Variants in SEMA3A observed in about 807,000 individuals in gnomAD.
The protein encoded by SEMA3A is semaphorin 3A.
Under a neutral mutation model 97.9 loss-of-function variants are expected in SEMA3A, and 29 were observed. That is an observed-to-expected ratio of 0.30 (90% CI 0.22 to 0.40). The LOEUF is 0.40. Among genes scored for constraint, SEMA3A ranks in the 10% least tolerant of loss-of-function variants. The pLI is 1.00. For missense variants in SEMA3A, 763 were observed against 951.3 expected, an observed-to-expected ratio of 0.80 and a Z score of 2.60; for synonymous variants, 321 against 323.7, an observed-to-expected ratio of 0.99 and a Z score of 0.09.
intron 4 of SEMA3A, among the ~76,000 whole-genome samples, chr7:84,091,144 G>A (rs1489940898): frequency 8.0e-5 from 2 of 25,034 alleles, no homozygotes; most frequent in South Asian, 1.3e-3. Context: ...AAGAAGGAAG[G>A]AAGGAAGGAA....
intron 1 of SEMA3A, among the ~76,000 whole-genome samples, chr7:84,405,221 CA>C (rs1447574561): frequency 1.3e-5 from 2 of 151,502 alleles, no homozygotes; most frequent in Non-Finnish European, 2.9e-5. Context: ...AAATGGAAAA[CA>C]AAAAAAGGCA....
intron 1 of SEMA3A, among the ~76,000 whole-genome samples, chr7:84,468,622 T>C: frequency 6.6e-6 from 1 of 152,174 alleles, no homozygotes; most frequent in East Asian, 1.9e-4. Flanking sequence ...TTAGAGCTAA[T>C]GTATAAATTC....
At chr7:84,173,599 G>C (rs1257738212) in intron 1 of SEMA3A, among the ~76,000 whole-genome samples, 1 of 149,074 alleles carries the variant, frequency 6.7e-6, no homozygotes, top group African/African-American at 2.5e-5. Context: ...AAAAATTGTT[G>C]TTTTACTTTT....
chr7:84,404,439 G>A (rs1307791828), intron 1 of SEMA3A, among the ~76,000 whole-genome samples: 4 of 152,196 alleles, frequency 2.6e-5, no homozygotes, highest in African/African-American at 9.7e-5. Context: ...GAAAGTGACG[G>A]GGAGAATGGA....
chr7:84,005,265 A>ATGTT, intron 11 of SEMA3A, 74 bp downstream of exon 11: 1 of 1,091,292 alleles, frequency 9.2e-7, no homozygotes. Context: ...AACCCCTGAG[A>ATGTT]TGTTCAAAGA....
At chr7:84,370,552 C>G (rs944867989) in intron 2 of SEMA3A, among the ~76,000 whole-genome samples, 3 of 151,602 alleles carry the variant, frequency 2.0e-5, no homozygotes, top group Non-Finnish European at 4.4e-5. Flanking sequence ...ATCTTGGTTG[C>G]TCTGTTGAAT....
chr7:84,331,356 T>A (rs915623418), intron 2 of SEMA3A, among the ~76,000 whole-genome samples: 5 of 152,156 alleles, frequency 3.3e-5, no homozygotes, highest in Non-Finnish European at 7.4e-5. Flanking sequence ...TCTGTTGAGT[T>A]TCTGCTTTTA....
intron 15 of SEMA3A, among the ~76,000 whole-genome samples, chr7:83,970,449 T>C (rs1788868478): frequency 1.3e-5 from 2 of 152,100 alleles, no homozygotes; most frequent in Non-Finnish European, 2.9e-5. Context: ...ACATTTCAGC[T>C]TTCTATTTAT....
chr7:84,102,724 A>C (rs1794995739), intron 4 of SEMA3A, among the ~76,000 whole-genome samples: 1 of 150,086 alleles, frequency 6.7e-6, no homozygotes, highest in African/African-American at 2.4e-5. Flanking sequence ...GGGATTACAG[A>C]TGCCCGCCAC....
rs1321975729 is a variant in SEMA3A at position 83,961,012 on chromosome 7, T to A, written c.*359A>T. 1 of 264,042 alleles carries A rather than the reference T, an allele frequency of 3.8e-6. No homozygotes were observed. Among genetic ancestry groups the A allele is most frequent in the African/African-American group, 2.3e-5 (1 of 43,302 alleles). The allele number at this position is 264,042 out of a possible 1,614,324, so 16.4% of individuals were successfully genotyped here. A position where few individuals can be genotyped will look rare whatever the true frequency, so the allele number is the denominator to read the frequency against. Reference sequence around the variant, plus strand: ...ATTTTAAACTTTTAGTTCAATACAATGGCTTTGCTGATGCAGTTTTTCTCC... The same window carrying A: ...ATTTTAAACTTTTAGTTCAATACAAAGGCTTTGCTGATGCAGTTTTTCTCC... On this transcript the variant is annotated 3_prime_UTR_variant, in exon 17 of 17. Transcript: ENST00000265362.
intron 5 of SEMA3A, among the ~76,000 whole-genome samples, chr7:84,057,863 G>T (rs1194365288): frequency 6.6e-6 from 1 of 152,020 alleles, no homozygotes; most frequent in African/African-American, 2.4e-5. Context: ...TTACTATTTT[G>T]GTTTGAAAAA....
intron 2 of SEMA3A, among the ~76,000 whole-genome samples, chr7:84,323,122 A>G (rs988449263): frequency 6.6e-6 from 1 of 152,226 alleles, no homozygotes; most frequent in Non-Finnish European, 1.5e-5. Context: ...TACTATGATT[A>G]AATGCATAAT....
exon 2 of SEMA3A, chr7:84,371,880 T>C (rs1157785949): frequency 6.6e-6 from 1 of 152,104 alleles, no homozygotes; most frequent in Non-Finnish European, 1.5e-5. Context: ...GACTGTCCCA[T>C]GGATGGTTTT....
At chr7:84,013,874 C>T (rs1277234607) in intron 7 of SEMA3A, among the ~76,000 whole-genome samples, 1 of 152,040 alleles carries the variant, frequency 6.6e-6, no homozygotes, top group South Asian at 2.1e-4. Flanking sequence ...TAAAAACTTA[C>T]AAGGTATAGA....
At chr7:84,407,510 C>A (rs1003137540) in intron 1 of SEMA3A, among the ~76,000 whole-genome samples, 3 of 151,902 alleles carry the variant, frequency 2.0e-5, no homozygotes, top group Admixed American at 6.6e-5. Flanking sequence ...ATCAAGTTAC[C>A]AATGACTTTC....
chr7:84,200,710 G>A (rs1467064258), intron 3 of SEMA3A, among the ~76,000 whole-genome samples: 1 of 151,670 alleles, frequency 6.6e-6, no homozygotes, highest in Non-Finnish European at 1.5e-5. Flanking sequence ...CAGCTACTTT[G>A]TGAGATTATC....
At chr7:84,180,152 G>A (rs901643452) in intron 1 of SEMA3A, among the ~76,000 whole-genome samples, 1 of 149,472 alleles carries the variant, frequency 6.7e-6, no homozygotes, top group Non-Finnish European at 1.5e-5. Flanking sequence ...CTCCATATTG[G>A]TCAGGCTGGT....
chr7:84,206,141 A>G (rs2116308619), intron 3 of SEMA3A, among the ~76,000 whole-genome samples: 1 of 152,252 alleles, frequency 6.6e-6, no homozygotes, highest in African/African-American at 2.4e-5. Context: ...CAATTTCAGA[A>G]TAATTTCATA....
At chr7:84,385,179 T>C (rs187148382) in intron 1 of SEMA3A, among the ~76,000 whole-genome samples, 1 of 152,082 alleles carries the variant, frequency 6.6e-6, no homozygotes, top group East Asian at 1.9e-4. Context: ...TAGAAGTCAC[T>C]AGTCCATAGA....
Sources: allele counts gnomAD v4.1 joint callset (sites outside exome capture counted in the v4.1 genomes callset), GRCh38; gene constraint gnomAD v4.1.1; transcripts MANE v1.5; gene names NCBI Gene and HGNC (gene_info 2026-07-23, HGNC 2026-07-21).